Variants in CCDC33 observed in about 807,000 individuals in gnomAD.
CCDC33 encodes coiled-coil domain-containing protein 33.
CCDC33 carries 94 observed loss-of-function variants against 91.9 expected under a neutral mutation model. The ratio of observed to expected loss-of-function variants is 1.02; its 90% CI spans 0.87 to 1.21. The LOEUF (loss-of-function observed/expected upper bound fraction) is 1.21. Ranked by LOEUF, CCDC33 falls within the 50% of genes most tolerant of loss-of-function variation. The probability of loss-of-function intolerance (pLI) is 0.00; values close to 1 mark genes in which losing one functional copy is unlikely to be tolerated. For missense variants in CCDC33, 940 were observed against 935.5 expected (o/e 1.00, Z -0.06); for synonymous variants, 396 against 374.5 (o/e 1.06, Z -0.66).
At chr15:74,262,132 G>C (rs753166821) in intron 2 of CCDC33, among the ~76,000 whole-genome samples, 48 of 152,106 alleles carry the variant, frequency 3.2e-4, no homozygotes, top group Non-Finnish European at 6.2e-4. Flanking sequence ...CCTGGCAAGG[G>C]CTAGGAAGTC....
Position 74,218,167 on chromosome 15 carries a change from C to A in CCDC33, c.311-330C>A, listed in dbSNP as rs2074497524. ...GGGAACAGGGAAACCAAGTCCCAGA[C>A]TTTAAATGGCTATAAATCAGGGGCA... On this transcript the variant is annotated intron_variant, in intron 1 of 2. Coordinates refer to the CCDC33 transcript ENST00000635913. This position sits in a 1 kb window ranked among gnomAD's most constrained non-coding sequence, Gnocchi z 4.8. Among the ~76,000 whole-genome samples, 3 of 152,206 alleles carry A rather than the reference C, an allele frequency of 2.0e-5. No homozygotes were observed. In the South Asian group the frequency reaches 6.2e-4, roughly 32 times the overall value.
chr15:74,328,236 TG>T (rs1236828328), intron 11 of CCDC33, among the ~76,000 whole-genome samples: 2 of 152,150 alleles, frequency 1.3e-5, no homozygotes, highest in Non-Finnish European at 2.9e-5. Context: ...CTGGGAGCTC[TG>T]GGGGCAGCAA....
At chr15:74,322,674 C>T (rs753376455) in intron 11 of CCDC33, among the ~76,000 whole-genome samples, 2 of 152,238 alleles carry the variant, frequency 1.3e-5, no homozygotes, top group Non-Finnish European at 2.9e-5. Context: ...GCTCCGCACA[C>T]ACCTTCCCCA....
chr15:74,327,833 G>A (rs1352418001), intron 11 of CCDC33, among the ~76,000 whole-genome samples: 2 of 152,172 alleles, frequency 1.3e-5, no homozygotes, highest in Non-Finnish European at 2.9e-5. Flanking sequence ...GGACAGGATC[G>A]TATTAATTTG....
At chr15:74,271,815 C>T (rs894620806) in intron 6 of CCDC33, 21 bp downstream of exon 6, 8 of 1,604,058 alleles carry the variant, frequency 5.0e-6, no homozygotes, top group Non-Finnish European at 6.8e-6. Flanking sequence ...CCCAGGTGGA[C>T]CTGGGTGAGG....
intron 11 of CCDC33, among the ~76,000 whole-genome samples, chr15:74,314,153 C>A (rs191715739): frequency 6.6e-6 from 1 of 152,246 alleles, no homozygotes; most frequent in South Asian, 2.1e-4. Flanking sequence ...CTTGCCTGCA[C>A]CCCAGGGTGA....
chr15:74,314,993 C>CT (rs1277793908), intron 11 of CCDC33, among the ~76,000 whole-genome samples: 2 of 152,238 alleles, frequency 1.3e-5, no homozygotes, highest in Non-Finnish European at 2.9e-5. Flanking sequence ...CTCCCATCCC[C>CT]CACCCCCGTG....
chr15:74,223,105 G>A (rs1429075949), intron 2 of CCDC33, among the ~76,000 whole-genome samples: 1 of 152,042 alleles, frequency 6.6e-6, no homozygotes. Flanking sequence ...GTGGGGGCTG[G>A]CGTGGCTGGG....
intron 3 of CCDC33, 45 bp from the exon 4 acceptor site, chr15:74,266,633 G>A (rs1238385464): frequency 1.5e-6 from 2 of 1,322,236 alleles, no homozygotes; most frequent in Admixed American, 1.7e-5. Context: ...GGAGAGAAAG[G>A]GATCCATTTA....
chr15:74,223,920 G>T (rs1160485296), intron 2 of CCDC33, among the ~76,000 whole-genome samples: 3 of 152,182 alleles, frequency 2.0e-5, no homozygotes, highest in Non-Finnish European at 4.4e-5. Context: ...TTGAGTAGGG[G>T]GTGGGAAGGG....
chr15:74,272,701 C>T (rs1179238174), intron 6 of CCDC33, 70 bp from the exon 7 acceptor site: 5 of 1,579,616 alleles, frequency 3.2e-6, no homozygotes, highest in Non-Finnish European at 4.3e-6. Context: ...AGAGTCTAAG[C>T]GGGGGGCCCT....
upstream of CCDC33, among the ~76,000 whole-genome samples, chr15:74,214,615 G>A (rs985633363): frequency 1.3e-5 from 2 of 152,170 alleles, no homozygotes; most frequent in Admixed American, 6.5e-5. Flanking sequence ...ATTCACTGAT[G>A]TTTCCAGATT....
intron 3 of CCDC33, among the ~76,000 whole-genome samples, chr15:74,263,919 A>G (rs1342638466): frequency 6.6e-6 from 1 of 151,772 alleles, no homozygotes; most frequent in African/African-American, 2.4e-5. Flanking sequence ...GCATGCATGT[A>G]TTTATGTGGC....
intron 11 of CCDC33, among the ~76,000 whole-genome samples, chr15:74,315,094 G>A (rs2060065650): frequency 6.6e-6 from 1 of 152,242 alleles, no homozygotes; most frequent in Non-Finnish European, 1.5e-5. Flanking sequence ...CAGGGGTAAG[G>A]GGAGCAGAGC....
intron 1 of CCDC33, among the ~76,000 whole-genome samples, chr15:74,239,305 C>T (rs1482849192): frequency 1.3e-5 from 2 of 152,092 alleles, no homozygotes; most frequent in Non-Finnish European, 2.9e-5. Flanking sequence ...TTAAGCACCC[C>T]CCAACCCACC....
At chr15:74,234,713 A>G (rs892939723), upstream of CCDC33, among the ~76,000 whole-genome samples, 1 of 152,216 alleles carries the variant, frequency 6.6e-6, no homozygotes, top group African/African-American at 2.4e-5. Context: ...AGAGGCAGAA[A>G]GCTCAGATGC....
intron 10 of CCDC33, among the ~76,000 whole-genome samples, chr15:74,293,596 A>G (rs1455301073): frequency 6.6e-6 from 1 of 152,140 alleles, no homozygotes; most frequent in African/African-American, 2.4e-5. Context: ...TCTTCACGTC[A>G]GTGGGGAGCC....
At chr15:74,206,904 C>CA (rs891316667) in intron 1 of CCDC33, among the ~76,000 whole-genome samples, 1 of 152,234 alleles carries the variant, frequency 6.6e-6, no homozygotes, top group African/African-American at 2.4e-5. Flanking sequence ...CAGCTCAAAC[C>CA]AGCAGGTCTC....
intron 2 of CCDC33, among the ~76,000 whole-genome samples, chr15:74,260,782 G>A (rs1018148163): frequency 1.3e-5 from 2 of 152,112 alleles, no homozygotes; most frequent in Non-Finnish European, 2.9e-5. Flanking sequence ...GAAAAATCAC[G>A]CCACGGCAAA....
Sources: gnomAD v4.1 joint callset for allele counts (sites outside exome capture counted in the v4.1 genomes callset) on GRCh38, gnomAD v4.1.1 for gene constraint, Gnocchi (gnomAD v3.1) non-coding constraint, MANE v1.5 for transcripts, NCBI Gene and HGNC (gene_info 2026-07-23, HGNC 2026-07-21) for gene names.